MACO1: variants seen among roughly 807,000 people sequenced by gnomAD.
MACO1 encodes the protein macoilin.
A neutral mutation model predicts 78.7 loss-of-function variants in MACO1; 14 were observed. The ratio of observed to expected loss-of-function variants is 0.18; its 90% CI spans 0.12 to 0.28. MACO1 has a LOEUF of 0.28. MACO1 is among the 10% of genes least tolerant of loss of function. The pLI, the probability that MACO1 is intolerant of heterozygous loss-of-function variation, is 1.00. For synonymous variants in MACO1, 288 were observed against 291.6 expected, an observed-to-expected ratio of 0.99 and a Z score of 0.12; for missense variants, 501 against 799.0, an observed-to-expected ratio of 0.63 and a Z score of 4.50.
At chr1:25,446,723 A>G in intron 1 of MACO1, 39 bp from the exon 2 acceptor site, 3 of 1,534,840 alleles carry the variant, frequency 2.0e-6, no homozygotes, top group Admixed American at 2.1e-5. Context: ...GTTATTCACA[A>G]ATGACCTTAA....
At chr1:25,466,348 T>G (rs1206693099) in intron 6 of MACO1, among the ~76,000 whole-genome samples, 1 of 152,204 alleles carries the variant, frequency 6.6e-6, no homozygotes, top group Non-Finnish European at 1.5e-5. Context: ...AGTTTCACTC[T>G]TGTTGCCCAG....
chr1:25,443,512 A>G (rs1183947142), intron 1 of MACO1, among the ~76,000 whole-genome samples: 1 of 152,256 alleles, frequency 6.6e-6, no homozygotes, highest in Non-Finnish European at 1.5e-5. Context: ...CTGGGTGTCA[A>G]GGAACATCAA....
chr1:25,444,333 C>T (rs1156478992), intron 1 of MACO1, among the ~76,000 whole-genome samples: 1 of 147,044 alleles, frequency 6.8e-6, no homozygotes, highest in African/African-American at 2.5e-5. Flanking sequence ...CCCCTGGGCT[C>T]AAATGATCTT....
At chr1:25,491,380 G>A in intron 9 of MACO1, 30 bp from the exon 10 acceptor site, 1 of 1,612,690 alleles carries the variant, frequency 6.2e-7, no homozygotes, top group Non-Finnish European at 8.5e-7. Flanking sequence ...AAACTACCTT[G>A]TAGCATTGCT....
rs898182826 is a variant in MACO1 at position 25,485,522 on chromosome 1, T to C, written c.1314-91T>C. The C allele has an allele frequency of 1.2e-5, 16 of 1,323,634 alleles. No homozygotes were observed. Among genetic ancestry groups the C allele is most frequent in the Admixed American group, 7.1e-5 (3 of 42,048 alleles). The allele number at this position is 1,323,634 out of a possible 1,614,324, so 82.0% of individuals were successfully genotyped here. A position where few individuals can be genotyped will look rare whatever the true frequency, so the allele number is the denominator to read the frequency against. ...TTTGCTGTTCAAACCTCCTGTTTAA[T>C]TGGCCTTAAGGTGATAAAGAGATGT... is the stretch of plus-strand genomic sequence containing the variant. On this transcript the variant is annotated intron_variant, in intron 7 of 10. Transcript: ENST00000374343. The surrounding 1 kb of genome is among the most constrained non-coding windows in gnomAD (Gnocchi z 4.3).
In MACO1 at chr1:25,444,613, G is replaced by T. The variant is rs560325419; in HGVS notation, c.81-2149G>T. ...GTTTTTGTTTTTGTTTTGAGACAGG[G>T]TCTTGCTCTGTCACCCAGGCTGGAG... On this transcript the variant is annotated intron_variant, in intron 1 of 10. Coordinates refer to ENST00000374343, the MANE Select transcript of MACO1 (RefSeq NM_018202.6). Among the ~76,000 whole-genome samples the T allele has an allele frequency of 2.6e-5, 4 of 152,214 alleles. No individual in the cohort carries two copies. In the South Asian group the frequency reaches 6.2e-4, roughly 24 times the overall value.
At chr1:25,449,957 G>A (rs2043050551) in intron 3 of MACO1, among the ~76,000 whole-genome samples, 2 of 152,134 alleles carry the variant, frequency 1.3e-5, no homozygotes, top group South Asian at 4.1e-4. Context: ...AGACAGAGGT[G>A]GCAGTGAGCT....
chr1:25,446,790 G>C lies in MACO1; in HGVS notation c.109G>C (p.Val37Leu). The change falls in exon 2 of 11, where the codon GTG becomes CTG. Residue 37 changes from valine (V) to leucine (L), a missense_variant. Val to Leu is a conservative substitution (Grantham distance 32). Transcript: ENST00000374343. The stretch of plus-strand genomic sequence containing the variant: ...ATTTTTATACCTGAAATTCCTGGTG[G>C]TGTGGGCACTTGTCCTCCTAGCAGA... ...STFLYLKFLV[V>L]WALVLLADFV... 6.2e-7 allele frequency: 1 copy of C among 1,612,554 alleles called. No individual in the cohort carries two copies. The highest frequency in any genetic ancestry group is 1.3e-5 in the African/African-American group (1 of 74,932).
At position 25,445,176 on chromosome 1, in the gene MACO1, A is replaced by G. The variant is rs534567729; in HGVS notation, c.81-1586A>G. 2.6e-3 allele frequency among the ~76,000 whole-genome samples: 392 copies of G among 149,096 alleles called. 1 individual carries two copies. The highest frequency in any genetic ancestry group is 4.7e-3 in the Non-Finnish European group (315 of 67,566). On this transcript the variant is annotated intron_variant, in intron 1 of 10. Coordinates refer to ENST00000374343, the MANE Select transcript of MACO1 (RefSeq NM_018202.6). ...AAGCCAAACATGGTGGCGCATGCCT[A>G]TATTACCACCTACTTGGGAAGCTGA...
chr1:25,449,041 T>A lies in MACO1; in HGVS notation c.349+107T>A. 2 of 1,104,990 alleles carry A rather than the reference T, an allele frequency of 1.8e-6. 1 individual carries two copies. Among genetic ancestry groups the A allele is most frequent in the Non-Finnish European group, 2.4e-6 (2 of 848,984 alleles). The allele number at this position is 1,104,990 out of a possible 1,614,324, so 68.4% of individuals were successfully genotyped here. On this transcript the variant is annotated intron_variant, in intron 3 of 10. Coordinates refer to ENST00000374343, the MANE Select transcript of MACO1 (RefSeq NM_018202.6). ...TAGAGTTGAGTTTAATGTGGACATT[T>A]TAAAGTTTTCTTTTCTTAATAGGTT... is the stretch of plus-strand genomic sequence containing the variant.
Position 25,497,929 on chromosome 1 carries a change from CCTT to C in MACO1, c.1793-331_1793-329del, listed in dbSNP as rs528395079. On this transcript the variant is annotated intron_variant, in intron 10 of 10. Coordinates refer to ENST00000374343, the MANE Select transcript of MACO1 (RefSeq NM_018202.6). ...CAACCACACCTATATGAACAGAATC[CCTT>C]CTTAGCTCTAAGCCAAGAATCAGTA... Among the ~76,000 whole-genome samples, 288 of 152,344 alleles carry C rather than the reference CCTT, an allele frequency of 1.9e-3. 2 individuals are homozygous for C. The highest frequency in any genetic ancestry group is 6.2e-3 in the African/African-American group (258 of 41,584).
At chr1:25,480,487 A>T (rs2043361702) in intron 6 of MACO1, among the ~76,000 whole-genome samples, 1 of 152,210 alleles carries the variant, frequency 6.6e-6, no homozygotes, top group Non-Finnish European at 1.5e-5. Flanking sequence ...GAAGTATAAC[A>T]TATATACACA....
At chr1:25,493,967 G>A (rs371798229) in intron 10 of MACO1, among the ~76,000 whole-genome samples, 6 of 152,142 alleles carry the variant, frequency 3.9e-5, no homozygotes, top group African/African-American at 1.4e-4. Flanking sequence ...TCCTGACCTC[G>A]TGATCCACCC....
chr1:25,431,021 C>T lies in MACO1; in HGVS notation c.-78C>T, dbSNP rs2042858442. ...TCAGGGGTAGAGTCCAGGCCCGACG[C>T]GGGGCGGGCCAGCGGCGGCGGCAGC... On this transcript the variant is annotated 5_prime_UTR_variant, in exon 1 of 11. Transcript: ENST00000374343. 2 of 1,281,614 alleles carry T rather than the reference C, an allele frequency of 1.6e-6. No individual in the cohort carries two copies. Among genetic ancestry groups the T allele is most frequent in the African/African-American group, 1.6e-5 (1 of 63,570 alleles). The allele number at this position is 1,281,614 out of a possible 1,614,324, so 79.4% of individuals were successfully genotyped here.
chr1:25,469,519 T>G (rs1160792300), intron 6 of MACO1, among the ~76,000 whole-genome samples: 1 of 152,208 alleles, frequency 6.6e-6, no homozygotes, highest in Non-Finnish European at 1.5e-5. Context: ...TAGACTTTCC[T>G]GATGGCACAC....
At chr1:25,490,500 A>G (rs983911171) in intron 9 of MACO1, among the ~76,000 whole-genome samples, 3 of 152,244 alleles carry the variant, frequency 2.0e-5, no homozygotes, top group Non-Finnish European at 4.4e-5. Context: ...CATTGCTGGT[A>G]GAAATGTAAC....
At chr1:25,480,929 A>AAAAAATATATAT (rs1553166539) in intron 6 of MACO1, among the ~76,000 whole-genome samples, 7 of 47,898 alleles carry the variant, frequency 1.5e-4, no homozygotes, top group Non-Finnish European at 2.1e-4. Context: ...AAAAAAAAAA[A>AAAAAATATATAT]ATATATATAT....
At chr1:25,454,948 C>T (rs1028190970) in intron 4 of MACO1, among the ~76,000 whole-genome samples, 7 of 152,138 alleles carry the variant, frequency 4.6e-5, no homozygotes, top group African/African-American at 1.7e-4. Flanking sequence ...CAGCTCTGTC[C>T]TCTGACAGCT....
chr1:25,465,036 C>T (rs1441015338), intron 6 of MACO1, among the ~76,000 whole-genome samples: 1 of 150,752 alleles, frequency 6.6e-6, no homozygotes. Flanking sequence ...TGGTCTTGAA[C>T]TCCTGTGCTC....
Sources: gnomAD v4.1 joint callset for allele counts (sites outside exome capture counted in the v4.1 genomes callset) on GRCh38, gnomAD v4.1.1 for gene constraint, Gnocchi (gnomAD v3.1) non-coding constraint, MANE v1.5 for transcripts, NCBI Gene and HGNC (gene_info 2026-07-23, HGNC 2026-07-21) for gene names.